RELN: variants seen among roughly 807,000 people sequenced by gnomAD.
RELN encodes the protein reelin.
RELN carries 108 observed loss-of-function variants against 427.6 expected under a neutral mutation model. That is an observed-to-expected ratio of 0.25 (90% CI 0.22 to 0.30). The LOEUF (loss-of-function observed/expected upper bound fraction) is 0.30, where lower values mean the gene tolerates loss of function less well. RELN is among the 10% of genes least tolerant of loss of function. The probability of loss-of-function intolerance (pLI) is 1.00; values close to 1 mark genes in which losing one functional copy is unlikely to be tolerated. For missense variants in RELN, 3,715 were observed against 4,302.8 expected (o/e 0.86, Z 3.82); for synonymous variants, 1,524 against 1,513.4 (o/e 1.01, Z -0.16).
At chr7:103,669,631 C>A (rs1833347356) in intron 11 of RELN, among the ~76,000 whole-genome samples, 1 of 151,620 alleles carries the variant, frequency 6.6e-6, no homozygotes, top group Non-Finnish European at 1.5e-5. Flanking sequence ...ATAACCAAAT[C>A]TTTGAGACCA....
At chr7:103,669,685 G>C (rs1430493569) in intron 11 of RELN, among the ~76,000 whole-genome samples, 1 of 151,824 alleles carries the variant, frequency 6.6e-6, no homozygotes, top group African/African-American at 2.4e-5. Flanking sequence ...CAACATCTCG[G>C]ATGGCATGGC....
intron 11 of RELN, among the ~76,000 whole-genome samples, chr7:103,676,554 G>A (rs539049207): frequency 6.0e-4 from 92 of 152,266 alleles, no homozygotes; most frequent in African/African-American, 2.1e-3. Context: ...ATACCCAAAG[G>A]ATTATAAATC....
intron 9 of RELN, among the ~76,000 whole-genome samples, chr7:103,699,064 T>G (rs1264367301): frequency 6.6e-6 from 1 of 152,156 alleles, no homozygotes; most frequent in Non-Finnish European, 1.5e-5. Flanking sequence ...TCTACTAGAA[T>G]CCAGATCCTT....
rs533830340 is a variant in RELN, at chr7:103,574,727, C to A, written c.4304-428G>T. ...AGCACTCTCCATAGAAGGCCTGCAA[C>A]AACATATGTTTGTCTTTGGTCACGT... On this transcript the variant is annotated intron_variant, in intron 29 of 64. Coordinates refer to ENST00000428762, the MANE Select transcript of RELN (RefSeq NM_005045.4). 1.8e-4 allele frequency among the ~76,000 whole-genome samples: 27 copies of A among 152,194 alleles called. No individual in the cohort carries two copies. In the South Asian group the frequency reaches 2.3e-3, roughly 13 times the overall value.
intron 41 of RELN, among the ~76,000 whole-genome samples, chr7:103,549,008 T>C (rs1343352517): frequency 2.0e-5 from 3 of 151,892 alleles, no homozygotes; most frequent in Non-Finnish European, 4.4e-5. Flanking sequence ...ATCTTTAGGG[T>C]CGTTCGTTTT....
intron 60 of RELN, among the ~76,000 whole-genome samples, chr7:103,487,923 C>T (rs536564697): frequency 6.6e-6 from 1 of 152,080 alleles, no homozygotes; most frequent in South Asian, 2.1e-4. Context: ...GTGGGAAGAT[C>T]ACCTGAGGTC....
intron 8 of RELN, among the ~76,000 whole-genome samples, chr7:103,712,491 T>C (rs1413062548): frequency 6.6e-6 from 1 of 152,222 alleles, no homozygotes. Flanking sequence ...AATTCTATAA[T>C]TCAAATAACT....
At chr7:103,491,823 GTCTCTCTCTCTCTCTC>G (rs60846683) in intron 58 of RELN, 114 bp downstream of exon 58, 9 of 429,120 alleles carry the variant, frequency 2.1e-5, no homozygotes, top group South Asian at 8.4e-5. Context: ...GAGCGAAACT[GTCTCTCTCTCTCTCTC>G]TCTCTCTCTC....
intron 6 of RELN, among the ~76,000 whole-genome samples, chr7:103,729,175 A>G (rs1158918816): frequency 1.3e-5 from 2 of 152,216 alleles, no homozygotes; most frequent in African/African-American, 4.8e-5. Context: ...CATGAGAGCT[A>G]TATTTCATGC....
At chr7:103,604,829 TTC>T (rs929646532) in intron 22 of RELN, among the ~76,000 whole-genome samples, 10 of 109,572 alleles carry the variant, frequency 9.1e-5, no homozygotes, top group Non-Finnish European at 1.8e-4. Flanking sequence ...GAACCTATCT[TTC>T]TTTTTTTTTT....
chr7:103,807,093 A>G (rs1236209754), intron 3 of RELN, among the ~76,000 whole-genome samples: 1 of 152,218 alleles, frequency 6.6e-6, no homozygotes, highest in African/African-American at 2.4e-5. Flanking sequence ...ACCGGAGCTG[A>G]GCTTTAAATG....
At chr7:103,940,252 C>T (rs937448050) in intron 1 of RELN, among the ~76,000 whole-genome samples, 1 of 152,132 alleles carries the variant, frequency 6.6e-6, no homozygotes. Context: ...GGCTACATGA[C>T]CTCTTTGAGT....
At chr7:103,488,553 A>G (rs1042978189) in intron 60 of RELN, among the ~76,000 whole-genome samples, 75 of 152,214 alleles carry the variant, frequency 4.9e-4, no homozygotes, top group African/African-American at 1.7e-3. Flanking sequence ...TATCCATTTG[A>G]TTTCAATTCA....
At chr7:103,934,175 G>A (rs1795927802) in intron 1 of RELN, among the ~76,000 whole-genome samples, 1 of 152,176 alleles carries the variant, frequency 6.6e-6, no homozygotes, top group Non-Finnish European at 1.5e-5. Context: ...AGGAGACAGA[G>A]TACTGTCTTG....
At chr7:103,663,527 C>T (rs1164978244) in intron 11 of RELN, among the ~76,000 whole-genome samples, 1 of 152,138 alleles carries the variant, frequency 6.6e-6, no homozygotes, top group East Asian at 1.9e-4. Flanking sequence ...TGGAAAGCAG[C>T]CTTTTCAATT....
At chr7:103,750,384 G>A (rs1039502714) in intron 5 of RELN, among the ~76,000 whole-genome samples, 5 of 152,160 alleles carry the variant, frequency 3.3e-5, no homozygotes, top group African/African-American at 1.2e-4. Context: ...ACAATTGTAA[G>A]TTTCCTAAGG....
chr7:103,948,324 A>G (rs1360215714), intron 1 of RELN, among the ~76,000 whole-genome samples: 1 of 152,172 alleles, frequency 6.6e-6, no homozygotes, highest in Non-Finnish European at 1.5e-5. Flanking sequence ...TAATCAGTAT[A>G]CTTAAGTATG....
chr7:103,598,563 G>A (rs146229188), intron 24 of RELN, among the ~76,000 whole-genome samples: 2 of 152,302 alleles, frequency 1.3e-5, no homozygotes, highest in African/African-American at 4.8e-5. Context: ...ATCACAATTA[G>A]TTGGTTGAAA....
At chr7:103,699,027 T>C (rs1212511855) in intron 9 of RELN, among the ~76,000 whole-genome samples, 1 of 152,164 alleles carries the variant, frequency 6.6e-6, no homozygotes, top group Non-Finnish European at 1.5e-5. Context: ...CTCAAAAACA[T>C]GATATAACAT....
Sources: gnomAD v4.1 joint callset for allele counts (sites outside exome capture counted in the v4.1 genomes callset) on GRCh38, gnomAD v4.1.1 for gene constraint, MANE v1.5 for transcripts, NCBI Gene and HGNC (gene_info 2026-07-23, HGNC 2026-07-21) for gene names.